The following NUP155 variants were observed in gnomAD, a reference collection of about 807,000 sequenced individuals.
NUP155 encodes the protein nuclear pore complex protein Nup155.
In NUP155, 71 loss-of-function variants were observed where a neutral mutation model predicts 180.4. The ratio of observed to expected loss-of-function variants is 0.39; its 90% CI spans 0.33 to 0.48. The LOEUF (loss-of-function observed/expected upper bound fraction) is 0.48. Among genes scored for constraint, NUP155 ranks in the 20% least tolerant of loss-of-function variants. NUP155 has a pLI of 0.91. For synonymous variants in NUP155, 582 were observed against 559.5 expected, an observed-to-expected ratio of 1.04 and a Z score of -0.57; for missense variants, 1,553 against 1,648.9, an observed-to-expected ratio of 0.94 and a Z score of 1.01.
intron 23 of NUP155, 139 bp from the exon 24 acceptor site, chr5:37,309,406 C>T: frequency 1.3e-6 from 1 of 748,428 alleles, no homozygotes; most frequent in Non-Finnish European, 2.1e-6. Flanking sequence ...AAACTTACTT[C>T]TTAATTTTAG....
chr5:37,358,893 T>C (rs956363532), intron 3 of NUP155, among the ~76,000 whole-genome samples: 1 of 152,078 alleles, frequency 6.6e-6, no homozygotes, highest in African/African-American at 2.4e-5. Context: ...GGCGCACGCC[T>C]GTGGTCCCAG....
intron 22 of NUP155, among the ~76,000 whole-genome samples, chr5:37,312,317 T>G (rs1024532833): frequency 2.0e-5 from 3 of 152,012 alleles, no homozygotes; most frequent in Non-Finnish European, 2.9e-5. Context: ...TAATAAACTT[T>G]CATTTTATAG....
intron 19 of NUP155, among the ~76,000 whole-genome samples, chr5:37,325,692 CCA>C (rs1158398335): frequency 6.7e-6 from 1 of 149,030 alleles, no homozygotes; most frequent in Non-Finnish European, 1.5e-5. Context: ...TCGCTTGACC[CCA>C]GAGGGCAGAG....
intron 11 of NUP155, among the ~76,000 whole-genome samples, chr5:37,339,216 G>T (rs1349298919): frequency 6.6e-6 from 1 of 150,636 alleles, no homozygotes; most frequent in Non-Finnish European, 1.5e-5. Context: ...AAAACATGAG[G>T]CAGGAGGATT....
chr5:37,362,930 T>C (rs2111710703), intron 3 of NUP155, among the ~76,000 whole-genome samples: 1 of 152,304 alleles, frequency 6.6e-6, no homozygotes, highest in Non-Finnish European at 1.5e-5. Flanking sequence ...TTGTTGTTTC[T>C]GAGATGGAGT....
chr5:37,340,751 C>A (rs1019246723), intron 11 of NUP155, among the ~76,000 whole-genome samples: 2 of 152,164 alleles, frequency 1.3e-5, no homozygotes, highest in African/African-American at 2.4e-5. Flanking sequence ...CAAAACAGAT[C>A]AAAAACCTAA....
At chr5:37,352,424 G>A (rs1434578869) in intron 5 of NUP155, among the ~76,000 whole-genome samples, 2 of 152,128 alleles carry the variant, frequency 1.3e-5, no homozygotes, top group Non-Finnish European at 2.9e-5. Flanking sequence ...TGTAATCCCA[G>A]CAACTCAAGA....
chr5:37,308,972 AATG>A (rs1489091032), intron 24 of NUP155, among the ~76,000 whole-genome samples, 154 bp downstream of exon 24: 1 of 152,094 alleles, frequency 6.6e-6, no homozygotes, highest in Non-Finnish European at 1.5e-5. Context: ...ATTGCAACAC[AATG>A]ATACCACATT....
chr5:37,369,229 T>A (rs769625729), intron 1 of NUP155, among the ~76,000 whole-genome samples: 1 of 151,872 alleles, frequency 6.6e-6, no homozygotes, highest in Non-Finnish European at 1.5e-5. Flanking sequence ...TCCAGCCTGG[T>A]AACAGAACTA....
rs750754267 is a variant in NUP155, at chr5:37,352,832, A to G, written c.464-3T>C. ...TCGCACATGAGGTTGAAAGATGCCT[A>G]AGATAAAGTAGACACAGGGCAGGAA... On this transcript the variant is annotated splice_polypyrimidine_tract_variant and splice_region_variant and intron_variant, in intron 4 of 34. Transcript: ENST00000231498. 2.5e-6 allele frequency: 4 copies of G among 1,605,868 alleles called. No homozygotes were observed. In the East Asian group the frequency reaches 8.9e-5, roughly 36 times the overall value.
At chr5:37,307,271 C>T (rs1279302726) in intron 25 of NUP155, 26 bp downstream of exon 25, 2 of 1,608,900 alleles carry the variant, frequency 1.2e-6, no homozygotes, top group Non-Finnish European at 1.7e-6. Context: ...ATAAAGATGA[C>T]AATCTGCTAA....
intron 30 of NUP155, chr5:37,300,990 A>ATTTTTTTTTTTTTTTTTTTT (rs1742833376): frequency 5.4e-6 from 1 of 184,318 alleles, no homozygotes; most frequent in African/African-American, 2.4e-5. Context: ...CGCCTGGCTA[A>ATTTTTTTTTTTTTTTTTTTT]TTTTTGTATT....
At chr5:37,340,453 AAAG>A (rs1364413216) in intron 11 of NUP155, among the ~76,000 whole-genome samples, 1 of 152,160 alleles carries the variant, frequency 6.6e-6, no homozygotes, top group African/African-American at 2.4e-5. Flanking sequence ...AAAAAAAAAA[AAAG>A]ATCAAAGTTG....
intron 23 of NUP155, chr5:37,309,645 C>G (rs1434650567): frequency 5.1e-6 from 1 of 197,174 alleles, no homozygotes; most frequent in Non-Finnish European, 1.0e-5. Flanking sequence ...AGTTTTAGTA[C>G]TTTTCCTTAA....
At chr5:37,370,550 G>A (rs1561822723) in intron 1 of NUP155, 2 of 879,694 alleles carry the variant, frequency 2.3e-6, no homozygotes, top group Non-Finnish European at 3.3e-6. Flanking sequence ...ACTTGAGAGC[G>A]GCGAGAAGCT....
At position 37,352,771 on chromosome 5, in the gene NUP155, T is replaced by C; in HGVS notation, c.522A>G (p.Val174=). ...AATTAGCATAGCTGAGTCCAAGAAT[T>C]ACTATGTCTACAGGGGTCGCCAAAA... The part of the protein sequence containing the change: ...LLVLATPVDI[V]ILGLSYANLQ... The change falls in exon 5 of 35, where the codon GTA becomes GTG. Residue 174 remains valine, a synonymous_variant. Coordinates refer to ENST00000231498, the MANE Select transcript of NUP155 (RefSeq NM_153485.3). 6.2e-7 allele frequency: 1 copy of C among 1,613,546 alleles called. No individual in the cohort carries two copies.
chr5:37,303,161 T>C, intron 28 of NUP155, 99 bp downstream of exon 28: 1 of 1,372,824 alleles, frequency 7.3e-7, no homozygotes, highest in Non-Finnish European at 1.0e-6. Context: ...TAGGTCAGTA[T>C]ATTAAAACTT....
At chr5:37,350,899 T>A (rs915395332) in intron 6 of NUP155, among the ~76,000 whole-genome samples, 7 of 151,976 alleles carry the variant, frequency 4.6e-5, no homozygotes, top group African/African-American at 1.7e-4. Context: ...AAGTGCATTT[T>A]GTATTTGTAT....
At chr5:37,303,045 T>TA (rs1018534074) in intron 28 of NUP155, 137 bp from the exon 29 acceptor site, 133 of 1,107,584 alleles carry the variant, frequency 1.2e-4, no homozygotes, top group Middle Eastern at 2.2e-4. Context: ...TCATTAGATT[T>TA]AAAAAAAAAT....
Sources: gnomAD v4.1 joint callset for allele counts (sites outside exome capture counted in the v4.1 genomes callset) on GRCh38, gnomAD v4.1.1 for gene constraint, MANE v1.5 for transcripts, NCBI Gene and HGNC (gene_info 2026-07-23, HGNC 2026-07-21) for gene names.